Variants in MEFV observed in about 807,000 individuals in gnomAD.
The protein encoded by MEFV is MEFV innate immunity regulator, pyrin, also known as pyrin.
In MEFV, 60 loss-of-function variants were observed where a neutral mutation model predicts 62.5. The observed-to-expected ratio is 0.96, with a 90% CI of 0.78 to 1.19. The LOEUF is 1.19. Among genes scored for constraint, MEFV ranks in the 50% most tolerant of loss-of-function variants. MEFV has a pLI of 0.00. For missense variants in MEFV, 1,169 were observed against 1,004.5 expected (o/e 1.16, Z -2.21); for synonymous variants, 500 against 415.2 (o/e 1.20, Z -2.48).
intron 3 of MEFV, 148 bp downstream of exon 3, chr16:3,249,283 C>A: frequency 1.3e-6 from 1 of 778,712 alleles, no homozygotes; most frequent in Non-Finnish European, 2.1e-6. Flanking sequence ...CCCCTCTTTG[C>A]TGGACTGGTT....
At position 3,247,015 on chromosome 16, in the gene MEFV, C is replaced by T. The variant is rs1958952131; in HGVS notation, c.1587+1G>A. 3 of 1,614,040 alleles carry T rather than the reference C, an allele frequency of 1.9e-6. No homozygotes were observed. The Admixed American group carries it at 5.0e-5, about 27-fold the overall frequency. On this transcript the variant is annotated splice_donor_variant, in intron 5 of 9. Coordinates refer to ENST00000219596, the MANE Select transcript of MEFV (RefSeq NM_000243.3). LOFTEE classifies it high-confidence loss of function. ...AGAAAGCCGGGCCCAGGCACACCCA[C>T]CTGCAGAAGTTCCCATTCTGACTGG...
chr16:3,248,456 G>A (rs1958977102), intron 4 of MEFV: 1 of 213,870 alleles, frequency 4.7e-6, no homozygotes, highest in African/African-American at 2.3e-5. Context: ...CAGGCATGGT[G>A]GCACTCACCT....
intron 4 of MEFV, 191 bp downstream of exon 4, chr16:3,248,718 C>T (rs1958982559): frequency 5.2e-5 from 51 of 985,238 alleles, no homozygotes; most frequent in Non-Finnish European, 6.0e-5. Context: ...CAGAGGTGAC[C>T]CCTGCCTGCT....
In MEFV at chr16:3,242,907, TTCC is replaced by T; in HGVS notation, c.*231_*233del. The T allele has an allele frequency of 1.8e-6, 1 of 569,392 alleles. No individual in the cohort carries two copies. Among genetic ancestry groups the T allele is most frequent in the Non-Finnish European group, 3.2e-6 (1 of 315,852 alleles). 35.3% of individuals were successfully genotyped at this position (569,392 alleles called of 1,614,324 possible). ...GGCGGATTATGCAACGACTCCGTAC[TTCC>T]TCCTCTGAAATCCATGGTGTGTCAT... On this transcript the variant is annotated 3_prime_UTR_variant, in exon 10 of 10. Coordinates refer to ENST00000219596, the MANE Select transcript of MEFV (RefSeq NM_000243.3).
Position 3,243,258 on chromosome 16 carries a change from G to A in MEFV, c.2229C>T (p.Phe743=), listed in dbSNP as rs104895152. ...GGGGCCCAGAGAAAGAGCAGCTGGCGAATGTATAGATGTGGGATCTGGCTG... is the reference window on the plus strand; with the variant it reads ...GGGGCCCAGAGAAAGAGCAGCTGGCAAATGTATAGATGTGGGATCTGGCTG... The part of the protein sequence containing the change: ...NVTARSHIYT[F]ASCSFSGPLQ... The change falls in exon 10 of 10, where the codon TTC becomes TTT. Residue 743 remains phenylalanine, a synonymous_variant. Coordinates refer to ENST00000219596, the MANE Select transcript of MEFV (RefSeq NM_000243.3). 1.2e-5 allele frequency: 19 copies of A among 1,614,074 alleles called. No homozygotes were observed. The highest frequency in any genetic ancestry group is 4.5e-5 in the East Asian group (2 of 44,902).
In MEFV at chr16:3,256,530, C is replaced by T; in HGVS notation, c.58G>A (p.Asp20Asn). The T allele has an allele frequency of 6.2e-7, 1 of 1,614,196 alleles. No homozygotes were observed. The highest frequency in any genetic ancestry group is 1.3e-5 in the African/African-American group (1 of 75,052). Residue 20 changes from aspartate (D) to asparagine (N), a missense_variant, in exon 1 of 10, where the codon GAC (aspartate) becomes AAC (asparagine). Coordinates refer to ENST00000219596, the MANE Select transcript of MEFV (RefSeq NM_000243.3). ...AGCTTGAACTTGAACTTCTCGAAGT[C>T]ATAGGGCACCAGCTCCTCCAGGGTG... ...LSTLEELVPY[D>N]FEKFKFKLQN... is the part of the protein sequence containing the mutation.
chr16:3,249,663 T>TGG lies in MEFV; in HGVS notation c.1026_1027dup (p.Gln343ProfsTer26), dbSNP rs1167328352. On this transcript the variant is annotated frameshift_variant, in exon 3 of 10. Transcript: ENST00000219596. LOFTEE classifies it high-confidence loss of function. ...GCCAGGTGAGCGGCTGCCTGAGGCC[T>TGG]GGGGGTGCCCAGAAACTGCCTCGGG... 6.2e-7 allele frequency: 1 copy of TGG among 1,613,224 alleles called. No homozygotes were observed. The highest frequency in any genetic ancestry group is 1.3e-5 in the African/African-American group (1 of 75,038).
intron 2 of MEFV, among the ~76,000 whole-genome samples, chr16:3,252,516 C>T (rs920522380): frequency 2.0e-5 from 3 of 152,124 alleles, no homozygotes; most frequent in Non-Finnish European, 4.4e-5. Flanking sequence ...TCAGGTGATC[C>T]GCCCCCATTG....
At position 3,247,049 on chromosome 16, in the gene MEFV, G is replaced by A; in HGVS notation, c.1554C>T (p.Ala518=). The A allele has an allele frequency of 6.2e-7, 1 of 1,614,212 alleles. No homozygotes were observed. The highest frequency in any genetic ancestry group is 1.3e-5 in the African/African-American group (1 of 75,056). ...GTTCCCATTCTGACTGGCACTCCTT[G>A]GCCTCCAGTTCCCCAATCAGCGCAT... The part of the protein sequence containing the change: ...LLDALIGELE[A]KECQSEWELL... Residue 518 remains alanine (A), a synonymous_variant, in exon 5 of 10, where the codon GCC becomes GCT. Transcript: ENST00000219596.
rs1958875078 is a variant in MEFV, at chr16:3,242,758, C to A, written c.*383G>T. ...TCCAGTCTGCTTGCGTTTCTCTAGG[C>A]TTCCCATATCCTCAAGACAGAAGCA... On this transcript the variant is annotated 3_prime_UTR_variant, in exon 10 of 10. Coordinates refer to ENST00000219596, the MANE Select transcript of MEFV (RefSeq NM_000243.3). 6.5e-6 allele frequency: 2 copies of A among 305,580 alleles called. No individual in the cohort carries two copies. The highest frequency in any genetic ancestry group is 1.3e-5 in the Non-Finnish European group (2 of 156,984). The allele number at this position is 305,580 out of a possible 1,614,324, so 18.9% of individuals were successfully genotyped here. A position where few individuals can be genotyped will look rare whatever the true frequency, so the allele number is the denominator to read the frequency against.
chr16:3,253,138 T>C (rs969136373), intron 2 of MEFV, among the ~76,000 whole-genome samples: 1 of 152,002 alleles, frequency 6.6e-6, no homozygotes, highest in African/African-American at 2.4e-5. Context: ...TGGAGCCTCC[T>C]GATCCCTTGC....
intron 6 of MEFV, 171 bp downstream of exon 6, chr16:3,246,354 C>A: frequency 1.4e-6 from 1 of 727,722 alleles, no homozygotes; most frequent in East Asian, 2.7e-5. Flanking sequence ...ACCAGATGCC[C>A]TTCTCCCTAT....
rs1263837231 is a variant in MEFV, at chr16:3,249,083, TCTC to T, written c.1261-82_1261-80del. The stretch of plus-strand genomic sequence containing the variant: ...CTGGTGCCAACTCTGGAGGGGAACA[TCTC>T]CTTCTGGTAGCAAGGCTGAGGGTGC... On this transcript the variant is annotated intron_variant, in intron 3 of 9. Transcript: ENST00000219596. The T allele has an allele frequency of 7.9e-6, 11 of 1,394,348 alleles. No homozygotes were observed. The East Asian group carries it at 1.8e-4, about 23-fold the overall frequency. 86.4% of individuals were successfully genotyped at this position (1,394,348 alleles called of 1,614,324 possible).
chr16:3,244,665 T>C (rs1958912545), intron 6 of MEFV, 77 bp from the exon 7 acceptor site: 1 of 1,086,332 alleles, frequency 9.2e-7, no homozygotes, highest in Non-Finnish European at 1.4e-6. Flanking sequence ...GGAAATGAAC[T>C]ACATTCTCCA....
intron 2 of MEFV, among the ~76,000 whole-genome samples, chr16:3,252,999 C>A (rs1959059469): frequency 6.6e-6 from 1 of 151,054 alleles, no homozygotes; most frequent in African/African-American, 2.4e-5. Flanking sequence ...GAATGCTGCC[C>A]CCACCACGAG....
chr16:3,250,990 C>G (rs994565400), intron 2 of MEFV, among the ~76,000 whole-genome samples: 7 of 142,222 alleles, frequency 4.9e-5, no homozygotes, highest in Admixed American at 3.6e-4. Context: ...CGCCACTGCA[C>G]TCCAGTCTGG....
rs777013548 is a variant in MEFV, at chr16:3,254,110, C to T, written c.910+48G>A. 3 of 1,602,186 alleles carry T rather than the reference C, an allele frequency of 1.9e-6. No individual in the cohort carries two copies. In the Admixed American group the frequency reaches 5.0e-5, roughly 27 times the overall value. ...GGCATGAGCTATCGTGCCCGGCCAG[C>T]CATTCTTTCTCTGCAGCCGATATAA... On this transcript the variant is annotated intron_variant, in intron 2 of 9. Coordinates refer to ENST00000219596, the MANE Select transcript of MEFV (RefSeq NM_000243.3).
At chr16:3,249,959 C>T (rs1480050882) in intron 2 of MEFV, among the ~76,000 whole-genome samples, 179 bp from the exon 3 acceptor site, 1 of 152,242 alleles carries the variant, frequency 6.6e-6, no homozygotes, top group Non-Finnish European at 1.5e-5. Flanking sequence ...AAACAGGCCA[C>T]TGGGCCTGAG....
intron 6 of MEFV, among the ~76,000 whole-genome samples, chr16:3,245,642 A>AAGAGAGAG (rs141386847): frequency 6.6e-6 from 1 of 151,324 alleles, no homozygotes; most frequent in Admixed American, 6.6e-5. Flanking sequence ...TTCAAAAAAA[A>AAGAGAGAG]AGAGAGAGAG....
Sources: allele counts gnomAD v4.1 joint callset (sites outside exome capture counted in the v4.1 genomes callset), GRCh38; gene constraint gnomAD v4.1.1; transcripts MANE v1.5; gene names NCBI Gene and HGNC (gene_info 2026-07-23, HGNC 2026-07-21).